LRCH2: variants seen among roughly 807,000 people sequenced by gnomAD.
LRCH2 encodes the protein leucine rich repeats and calponin homology domain containing 2, also known as leucine-rich repeat and calponin homology domain-containing protein 2.
In LRCH2, 38 loss-of-function variants were observed where a neutral mutation model predicts 68.9. The observed-to-expected ratio is 0.55, with a 90% CI of 0.43 to 0.72. LRCH2 has a LOEUF of 0.72. LRCH2 is among the 30% of genes least tolerant of loss of function. LRCH2 has a pLI of 0.00. For missense variants in LRCH2, 528 were observed against 572.9 expected (o/e 0.92, Z 0.80); for synonymous variants, 191 against 208.1 (o/e 0.92, Z 0.71).
chrX:115,125,179 G>A (rs1481775919), intron 16 of LRCH2, among the ~76,000 whole-genome samples: 1 of 108,243 alleles, frequency 9.2e-6, no homozygotes. Flanking sequence ...GGCCAAGGCA[G>A]GTAGATCACT....
intron 11 of LRCH2, 40 bp from the exon 12 acceptor site, chrX:115,156,707 G>T: frequency 1.2e-6 from 1 of 848,679 alleles, no homozygotes; most frequent in African/African-American, 2.1e-5. Flanking sequence ...AATCTATTAA[G>T]AATATTACAT....
chrX:115,125,489 A>G (rs1292277048), intron 16 of LRCH2, among the ~76,000 whole-genome samples: 2 of 51 alleles, frequency 0.039, no homozygotes, highest in Non-Finnish European at 0.077. Context: ...ATATATATAT[A>G]TATATATATA....
intron 12 of LRCH2, among the ~76,000 whole-genome samples, chrX:115,156,119 G>C (rs782660786): frequency 9.0e-6 from 1 of 111,276 alleles, no homozygotes; most frequent in East Asian, 2.8e-4. Context: ...ATTGACTCAG[G>C]AGTTGAGTCT....
chrX:115,198,318 C>T (rs1350010853), intron 1 of LRCH2: 1 of 111,391 alleles, frequency 9.0e-6, no homozygotes, highest in Admixed American at 9.5e-5. Context: ...CAGGAAAACA[C>T]AATGCAAAAA....
chrX:115,134,607 G>A (rs1461923910), intron 14 of LRCH2, among the ~76,000 whole-genome samples: 1 of 111,942 alleles, frequency 8.9e-6, no homozygotes, highest in Non-Finnish European at 1.9e-5. Context: ...AAGCCTGGAT[G>A]ACAGCACATC....
chrX:115,141,143 C>T (rs782605860), intron 14 of LRCH2, among the ~76,000 whole-genome samples: 3 of 104,613 alleles, frequency 2.9e-5, no homozygotes, highest in African/African-American at 1.1e-4. Context: ...GAGGCTGAGG[C>T]GGGAGAATGG....
chrX:115,144,059 C>T (rs1289260660), intron 14 of LRCH2, among the ~76,000 whole-genome samples: 2 of 111,292 alleles, frequency 1.8e-5, no homozygotes, highest in Non-Finnish European at 3.8e-5. Flanking sequence ...ATCATGGGGG[C>T]AGGTTTTTCC....
chrX:115,150,790 C>A (rs1195000373), intron 12 of LRCH2, among the ~76,000 whole-genome samples: 4 of 110,242 alleles, frequency 3.6e-5, no homozygotes, highest in South Asian at 3.8e-4. Context: ...GACAAAAAAT[C>A]TATTATTATA....
Position 115,234,058 on chromosome X carries a change from A to C in LRCH2, c.-17T>G, listed in dbSNP as rs1556579543. On this transcript the variant is annotated 5_prime_UTR_variant, in exon 1 of 21. Transcript: ENST00000317135. ...CGCCGCCATGTTCCTGGGAGAGAGA[A>C]TAGCCCCCGACAATACTGTCAGCCT... The C allele has an allele frequency of 3.2e-5, 37 of 1,161,242 alleles. No homozygotes were observed. Among genetic ancestry groups the C allele is most frequent in the Non-Finnish European group, 4.1e-5 (36 of 870,116 alleles).
chrX:115,189,988 C>G (rs1321043369), intron 1 of LRCH2: 1 of 1,162,666 alleles, frequency 8.6e-7, no homozygotes, highest in African/African-American at 1.8e-5. Context: ...CGGGAAGGCA[C>G]CGACTGTGTC....
At chrX:115,189,651 C>T (rs782357724) in intron 1 of LRCH2, 8 of 1,167,730 alleles carry the variant, frequency 6.9e-6, no homozygotes, top group East Asian at 6.5e-5. Flanking sequence ...GAGATATGAA[C>T]GGCAAGTACC....
chrX:115,218,755 T>C (rs1280612868), intron 1 of LRCH2, among the ~76,000 whole-genome samples: 1 of 112,315 alleles, frequency 8.9e-6, no homozygotes, highest in Non-Finnish European at 1.9e-5. Context: ...GCAGGGTATT[T>C]GGACCCAAGA....
At position 115,163,679 on chromosome X, in the gene LRCH2, T is replaced by C; in HGVS notation, c.1460A>G (p.Asn487Ser). ...AAQLLQQEQK[N>S]RILNHSTSVM... ...ATCTCATTACTGAAAGGAATACCTG[T>C]TCTTCTGTTCTTGCTGCAATAACTG... is the stretch of plus-strand genomic sequence containing the variant. The change falls in exon 11 of 21, where the codon AAC (asparagine) becomes AGC (serine). Residue 487 changes from asparagine (N) to serine (S), a missense_variant. Coordinates refer to ENST00000317135, the MANE Select transcript of LRCH2 (RefSeq NM_020871.4). 1 of 1,176,905 alleles carries C rather than the reference T, an allele frequency of 8.5e-7. No homozygotes were observed.
intron 11 of LRCH2, among the ~76,000 whole-genome samples, chrX:115,161,421 T>A (rs782654957): frequency 8.9e-6 from 1 of 111,799 alleles, no homozygotes; most frequent in East Asian, 2.8e-4. Flanking sequence ...AAATTAGACA[T>A]ACTTATCACA....
intron 1 of LRCH2, among the ~76,000 whole-genome samples, chrX:115,230,482 G>A (rs1338078136): frequency 9.0e-6 from 1 of 111,201 alleles, no homozygotes; most frequent in Non-Finnish European, 1.9e-5. Context: ...AAAGAGAAAG[G>A]AGAAAAGTGT....
intron 14 of LRCH2, among the ~76,000 whole-genome samples, chrX:115,132,401 G>T (rs924871478): frequency 2.7e-5 from 3 of 111,160 alleles, no homozygotes; most frequent in African/African-American, 9.8e-5. Flanking sequence ...TCGATGTGTG[G>T]TATTATTTCT....
intron 1 of LRCH2, among the ~76,000 whole-genome samples, chrX:115,223,689 G>A (rs1204278172): frequency 1.8e-5 from 2 of 109,851 alleles, no homozygotes; most frequent in African/African-American, 6.6e-5. Flanking sequence ...GCTGAGGCAG[G>A]TGGATCACCT....
At chrX:115,198,208 G>A (rs974553635) in intron 1 of LRCH2, among the ~76,000 whole-genome samples, 20 of 109,825 alleles carry the variant, frequency 1.8e-4, no homozygotes, top group African/African-American at 6.3e-4. Flanking sequence ...GGATATGAGA[G>A]ATTAAAAGGC....
At chrX:115,136,755 A>G (rs1307092504) in intron 14 of LRCH2, among the ~76,000 whole-genome samples, 2 of 112,224 alleles carry the variant, frequency 1.8e-5, no homozygotes, top group Non-Finnish European at 1.9e-5. Context: ...AAAAGGAAAG[A>G]AGGAATGGTC....
Sources: gnomAD v4.1 joint callset for allele counts (sites outside exome capture counted in the v4.1 genomes callset) on GRCh38, gnomAD v4.1.1 for gene constraint, MANE v1.5 for transcripts, NCBI Gene and HGNC (gene_info 2026-07-23, HGNC 2026-07-21) for gene names.